Variants in HCN1 observed in about 807,000 individuals in gnomAD.
HCN1 encodes potassium/sodium hyperpolarization-activated cyclic nucleotide-gated channel 1.
In HCN1, 13 loss-of-function variants were observed where a neutral mutation model predicts 78.9. That is an observed-to-expected ratio of 0.16 (90% CI 0.11 to 0.26). The LOEUF (loss-of-function observed/expected upper bound fraction) is 0.26. Ranked by LOEUF, HCN1 falls within the 10% of genes least tolerant of loss-of-function variation. HCN1 has a pLI of 1.00. For missense variants in HCN1, 810 were observed against 1,154.3 expected (o/e 0.70, Z 4.32); for synonymous variants, 552 against 455.5 (o/e 1.21, Z -2.70).
intron 3 of HCN1, among the ~76,000 whole-genome samples, chr5:45,428,080 A>T (rs1740387381): frequency 6.6e-6 from 1 of 152,052 alleles, no homozygotes; most frequent in African/African-American, 2.4e-5. Context: ...AATATCTATG[A>T]ACCTGTATTC....
rs1278604397 is a variant in HCN1 at position 45,259,683 on chromosome 5, A to G, written c.*2238T>C. ...GTATGGTTGCACTGAAAGACCATGC[A>G]TTTCAATTTTGCTTATGTTTCCCAA... On this transcript the variant is annotated 3_prime_UTR_variant, in exon 8 of 8. Transcript: ENST00000303230. The G allele has an allele frequency of 6.6e-6, 1 of 152,406 alleles. No individual in the cohort carries two copies. Among genetic ancestry groups the G allele is most frequent in the Non-Finnish European group, 1.5e-5 (1 of 67,950 alleles). The allele number at this position is 152,406 out of a possible 1,614,324, so 9.4% of individuals were successfully genotyped here.
At chr5:45,331,992 G>A (rs1297518452) in intron 5 of HCN1, among the ~76,000 whole-genome samples, 2 of 151,312 alleles carry the variant, frequency 1.3e-5, no homozygotes, top group Non-Finnish European at 3.0e-5. Flanking sequence ...TCAACTGGGG[G>A]GATATTTTAA....
At chr5:45,645,125 A>ATT in intron 2 of HCN1, 60 bp downstream of exon 2, 3 of 1,290,080 alleles carry the variant, frequency 2.3e-6, no homozygotes, top group South Asian at 2.5e-5. Context: ...GTTCATTGTA[A>ATT]AACAGCCATA....
chr5:45,633,928 T>C (rs1745313878), intron 2 of HCN1, among the ~76,000 whole-genome samples: 1 of 151,950 alleles, frequency 6.6e-6, no homozygotes, highest in Non-Finnish European at 1.5e-5. Flanking sequence ...TTTCAAGCCA[T>C]TGAAAATGTC....
chr5:45,524,594 T>C (rs1233700741), intron 2 of HCN1, among the ~76,000 whole-genome samples: 1 of 152,180 alleles, frequency 6.6e-6, no homozygotes, highest in Non-Finnish European at 1.5e-5. Context: ...GTTGGATTCC[T>C]AGGTATTTTA....
intron 2 of HCN1, among the ~76,000 whole-genome samples, chr5:45,621,748 C>T (rs1015384989): frequency 2.6e-5 from 4 of 152,016 alleles, no homozygotes; most frequent in South Asian, 2.1e-4. Context: ...AAAAACATAA[C>T]GAATCTAGTA....
At chr5:45,300,688 A>G (rs902838266) in intron 6 of HCN1, among the ~76,000 whole-genome samples, 2 of 152,134 alleles carry the variant, frequency 1.3e-5, no homozygotes, top group African/African-American at 4.8e-5. Context: ...TTTTTGACAG[A>G]GCAGGGGTTG....
At chr5:45,412,463 A>T (rs1441002879) in intron 3 of HCN1, among the ~76,000 whole-genome samples, 1 of 152,072 alleles carries the variant, frequency 6.6e-6, no homozygotes, top group Non-Finnish European at 1.5e-5. Context: ...GACAACTGCA[A>T]TCACACTGCA....
chr5:45,291,753 C>T (rs192513388), intron 6 of HCN1, among the ~76,000 whole-genome samples: 1 of 151,952 alleles, frequency 6.6e-6, no homozygotes, highest in African/African-American at 2.4e-5. Context: ...TTGTCTTGAA[C>T]TCCTGGGATC....
chr5:45,512,822 G>A (rs1487348870), intron 2 of HCN1, among the ~76,000 whole-genome samples: 5 of 152,086 alleles, frequency 3.3e-5, no homozygotes, highest in Non-Finnish European at 5.9e-5. Context: ...AGTAAAGCAA[G>A]CTTGATTTAC....
intron 5 of HCN1, among the ~76,000 whole-genome samples, chr5:45,341,408 C>A (rs751448928): frequency 5.9e-5 from 9 of 152,204 alleles, no homozygotes; most frequent in Non-Finnish European, 1.0e-4. Flanking sequence ...AAAACCATTG[C>A]AGCCAGATCA....
intron 2 of HCN1, among the ~76,000 whole-genome samples, chr5:45,636,345 G>T (rs538958826): frequency 2.3e-3 from 356 of 152,230 alleles, no homozygotes; most frequent in African/African-American, 8.1e-3. Context: ...TAAACCAATA[G>T]TATTAGCAAC....
chr5:45,462,968 A>T (rs1453870179), intron 2 of HCN1, among the ~76,000 whole-genome samples: 1 of 152,070 alleles, frequency 6.6e-6, no homozygotes, highest in Non-Finnish European at 1.5e-5. Context: ...CCTACATTGT[A>T]GAACTAAGTT....
At chr5:45,414,488 A>G (rs1332329266) in intron 3 of HCN1, among the ~76,000 whole-genome samples, 1 of 152,022 alleles carries the variant, frequency 6.6e-6, no homozygotes, top group Non-Finnish European at 1.5e-5. Flanking sequence ...TAACCTGAGT[A>G]TGCTGCTGAT....
chr5:45,268,201 C>T (rs1405372900), intron 6 of HCN1, among the ~76,000 whole-genome samples: 4 of 152,120 alleles, frequency 2.6e-5, no homozygotes, highest in African/African-American at 9.7e-5. Context: ...AAGGGTAATT[C>T]CTTACTGAAA....
At chr5:45,472,223 T>C (rs148036309) in intron 2 of HCN1, among the ~76,000 whole-genome samples, 2 of 152,004 alleles carry the variant, frequency 1.3e-5, no homozygotes, top group African/African-American at 4.8e-5. Context: ...CTACCTTCCA[T>C]CCTATCCATT....
chr5:45,609,472 T>C (rs965181464), intron 2 of HCN1, among the ~76,000 whole-genome samples: 3 of 152,144 alleles, frequency 2.0e-5, no homozygotes, highest in African/African-American at 4.8e-5. Flanking sequence ...ACTGTCGATA[T>C]GGTTGCTGTC....
chr5:45,407,271 C>T (rs1436526807), intron 3 of HCN1, among the ~76,000 whole-genome samples: 3 of 152,024 alleles, frequency 2.0e-5, no homozygotes, highest in East Asian at 1.9e-4. Context: ...TAGCACAATG[C>T]GTCACTCATC....
At chr5:45,630,801 C>T (rs1156414877) in intron 2 of HCN1, among the ~76,000 whole-genome samples, 1 of 152,080 alleles carries the variant, frequency 6.6e-6, no homozygotes, top group African/African-American at 2.4e-5. Context: ...GATACATCCT[C>T]AAAGAGAACT....
Sources: allele counts gnomAD v4.1 joint callset (sites outside exome capture counted in the v4.1 genomes callset), GRCh38; gene constraint gnomAD v4.1.1; transcripts MANE v1.5; gene names NCBI Gene and HGNC (gene_info 2026-07-23, HGNC 2026-07-21).